Variants in UBE2D3 observed in about 807,000 individuals in gnomAD.
UBE2D3 encodes the protein ubiquitin-conjugating enzyme E2 D3.
In UBE2D3, 2 loss-of-function variants were observed where a neutral mutation model predicts 22.8. The ratio of observed to expected loss-of-function variants is 0.09; its 90% CI spans 0.04 to 0.28. The LOEUF (loss-of-function observed/expected upper bound fraction) is 0.28. Among genes scored for constraint, UBE2D3 ranks in the 10% least tolerant of loss-of-function variants. UBE2D3 has a pLI of 1.00. For synonymous variants in UBE2D3, 56 were observed against 60.4 expected, an observed-to-expected ratio of 0.93 and a Z score of 0.34; for missense variants, 27 against 182.5, an observed-to-expected ratio of 0.15 and a Z score of 4.91.
chr4:102,818,730 A>G lies in UBE2D3; in HGVS notation c.24+7755T>C, dbSNP rs988109635. ...TTCTCATCTGGAAGTACATGATTTA[A>G]GCAGTAATGGGTTTGGTCACTATTT... On this transcript the variant is annotated intron_variant, in intron 2 of 7. Coordinates refer to ENST00000453744, the MANE Select transcript of UBE2D3 (RefSeq NM_181891.3). Among the ~76,000 whole-genome samples the G allele has an allele frequency of 1.3e-5, 2 of 152,130 alleles. 1 individual carries two copies. Among genetic ancestry groups the G allele is most frequent in the Admixed American group, 1.3e-4 (2 of 15,274 alleles).
At chr4:102,836,701 A>G (rs760870563) in intron 1 of UBE2D3, among the ~76,000 whole-genome samples, 40 of 152,132 alleles carry the variant, frequency 2.6e-4, no homozygotes, top group African/African-American at 9.4e-4. Context: ...TTTCAATTTT[A>G]GCCATTGTAA....
intron 4 of UBE2D3, among the ~76,000 whole-genome samples, chr4:102,803,234 C>G (rs1053606952): frequency 6.6e-6 from 1 of 152,176 alleles, no homozygotes; most frequent in African/African-American, 2.4e-5. Flanking sequence ...ATGATAGAAC[C>G]AAGATTCAAA....
At chr4:102,808,674 A>G (rs1426125865) in intron 4 of UBE2D3, among the ~76,000 whole-genome samples, 1 of 152,154 alleles carries the variant, frequency 6.6e-6, no homozygotes, top group Non-Finnish European at 1.5e-5. Flanking sequence ...TGTTTTAGGT[A>G]TCTGTCTCCT....
At chr4:102,836,141 A>G (rs1411876022) in intron 1 of UBE2D3, among the ~76,000 whole-genome samples, 1 of 102,648 alleles carries the variant, frequency 9.7e-6, no homozygotes, top group Admixed American at 1.1e-4. Flanking sequence ...GTTTGTTTCC[A>G]TTTTTTTTTT....
chr4:102,802,569 G>T lies in UBE2D3; in HGVS notation c.190C>A (p.Pro64Thr). The T allele has an allele frequency of 6.2e-7, 1 of 1,607,112 alleles. No homozygotes were observed. The highest frequency in any genetic ancestry group is 8.5e-7 in the Non-Finnish European group (1 of 1,175,914). ...IHFPTDYPFK[P>T]PKVAFTTRIY... ...TGAGGGAAAATACTTGCCTTAGGTG[G>T]TTTGAAGGGGTAGTCTGTAGGAAAA... Residue 64 changes from proline (P) to threonine (T), a missense_variant, in exon 5 of 8, where the codon CCA becomes ACA. By Grantham distance (38) the Pro-to-Thr change is conservative. Transcript: ENST00000453744.
At chr4:102,809,638 C>T (rs776574592) in intron 4 of UBE2D3, 34 bp downstream of exon 4, 4 of 1,567,882 alleles carry the variant, frequency 2.6e-6, no homozygotes, top group African/African-American at 1.4e-5. Flanking sequence ...TGGATTTTCA[C>T]TTAAAACTAA....
chr4:102,815,920 T>C (rs1388833909), intron 2 of UBE2D3, among the ~76,000 whole-genome samples: 2 of 152,212 alleles, frequency 1.3e-5, no homozygotes, highest in Non-Finnish European at 2.9e-5. Flanking sequence ...TTAAATAGTA[T>C]CTAATATTAC....
chr4:102,831,050 T>C (rs71597132), upstream of UBE2D3, among the ~76,000 whole-genome samples: 393 of 152,358 alleles, frequency 2.6e-3, 1 homozygote, highest in Admixed American at 4.3e-3. Context: ...CTTAATATTG[T>C]ATCTATGTTT....
chr4:102,794,574 G>T lies in UBE2D3; in HGVS notation c.*2841C>A, dbSNP rs1180722369. ...TTTTGTTATGCCAACACAAAACATG[G>T]CTGAGTTACCCCCCTCCCCGCCCAA... On this transcript the variant is annotated 3_prime_UTR_variant, in exon 8 of 8. Coordinates refer to ENST00000453744, the MANE Select transcript of UBE2D3 (RefSeq NM_181891.3). The T allele has an allele frequency of 6.6e-6, 1 of 151,540 alleles. No individual in the cohort carries two copies. Among genetic ancestry groups the T allele is most frequent in the East Asian group, 1.9e-4 (1 of 5,188 alleles). The allele number at this position is 151,540 out of a possible 1,614,324, so 9.4% of individuals were successfully genotyped here.
Position 102,801,569 on chromosome 4 carries a change from A to G in UBE2D3, c.199-10T>C. On this transcript the variant is annotated splice_polypyrimidine_tract_variant and intron_variant, in intron 5 of 7. Transcript: ENST00000453744. The stretch of plus-strand genomic sequence containing the variant: ...TTGTTGTAAATGCAACCTAAAACAA[A>G]AACTTTTAAGTATTTTATTCAAATA... The G allele has an allele frequency of 6.3e-7, 1 of 1,579,818 alleles. No homozygotes were observed. The highest frequency in any genetic ancestry group is 1.4e-5 in the African/African-American group (1 of 73,556).
At chr4:102,842,045 C>T (rs1040156512) in intron 1 of UBE2D3, among the ~76,000 whole-genome samples, 5 of 152,162 alleles carry the variant, frequency 3.3e-5, no homozygotes, top group African/African-American at 4.8e-5. Context: ...CTGTGATCCT[C>T]ATATTCTTTT....
rs1049422807 is a variant in UBE2D3, at chr4:102,819,919, G to A, written c.24+6566C>T. Among the ~76,000 whole-genome samples the A allele has an allele frequency of 3.9e-5, 6 of 152,278 alleles. No individual in the cohort carries two copies. In the East Asian group the frequency reaches 9.6e-4, roughly 24 times the overall value. ...TCAGAACTAAAGACAAGATTTACAT[G>A]ACTCAAAAGACAAGATTTGTATGAC... On this transcript the variant is annotated intron_variant, in intron 2 of 7. Coordinates refer to ENST00000453744, the MANE Select transcript of UBE2D3 (RefSeq NM_181891.3).
At position 102,801,736 on chromosome 4, in the gene UBE2D3, C is replaced by G. The variant is rs953413807; in HGVS notation, c.199-177G>C. The G allele has an allele frequency of 1.8e-5, 9 of 506,250 alleles. No homozygotes were observed. The African/African-American group carries it at 1.8e-4, about 10-fold the overall frequency. 31.4% of individuals were successfully genotyped at this position (506,250 alleles called of 1,614,324 possible). On this transcript the variant is annotated intron_variant, in intron 5 of 7. Coordinates refer to ENST00000453744, the MANE Select transcript of UBE2D3 (RefSeq NM_181891.3). ...AACCCCCTGCCTCCTCTTTTTACAACAGAAACCTAAACTTTTGGATAAAAA... is the reference window on the plus strand; with the variant it reads ...AACCCCCTGCCTCCTCTTTTTACAAGAGAAACCTAAACTTTTGGATAAAAA...
chr4:102,814,988 C>T (rs1728585628), intron 2 of UBE2D3, among the ~76,000 whole-genome samples: 1 of 152,044 alleles, frequency 6.6e-6, no homozygotes, highest in East Asian at 1.9e-4. Flanking sequence ...ACTCAATAAA[C>T]ATACTAGATT....
At chr4:102,860,040 C>T (rs1009486748) in intron 1 of UBE2D3, among the ~76,000 whole-genome samples, 4 of 151,812 alleles carry the variant, frequency 2.6e-5, no homozygotes, top group Admixed American at 6.6e-5. Flanking sequence ...GTAGAGACGG[C>T]GTTTCACCAT....
exon 1 of UBE2D3, chr4:102,868,850 G>A (rs1306322390): frequency 1.9e-6 from 3 of 1,553,052 alleles, no homozygotes; most frequent in Non-Finnish European, 2.7e-6. Context: ...AGATTCCGAG[G>A]AGGGCCTCGC....
chr4:102,827,214 G>A (rs367876946), intron 1 of UBE2D3: 1 of 984,164 alleles, frequency 1.0e-6, no homozygotes, highest in South Asian at 4.7e-5. Flanking sequence ...CGCCCGCGCT[G>A]TCCCTGAGGC....
intron 1 of UBE2D3, among the ~76,000 whole-genome samples, chr4:102,865,801 T>C (rs562385463): frequency 2.0e-5 from 3 of 152,256 alleles, no homozygotes; most frequent in African/African-American, 7.2e-5. Context: ...GAAATAAAAG[T>C]CTTGGGCCTA....
chr4:102,797,498 A>G, intron 7 of UBE2D3, 38 bp from the exon 8 acceptor site: 6 of 1,503,470 alleles, frequency 4.0e-6, no homozygotes, highest in Non-Finnish European at 5.5e-6. Context: ...GTTAAAATAA[A>G]GAATTCCTAA....
Sources: gnomAD v4.1 joint callset for allele counts (sites outside exome capture counted in the v4.1 genomes callset) on GRCh38, gnomAD v4.1.1 for gene constraint, MANE v1.5 for transcripts, NCBI Gene and HGNC (gene_info 2026-07-23, HGNC 2026-07-21) for gene names.